EYS: variants seen among roughly 807,000 people sequenced by gnomAD.
EYS encodes the protein protein eyes shut homolog.
A neutral mutation model predicts 282.1 loss-of-function variants in EYS; 250 were observed. That is an observed-to-expected ratio of 0.89 (90% CI 0.80 to 0.98). The LOEUF (loss-of-function observed/expected upper bound fraction) is 0.98. EYS is among the 50% of genes least tolerant of loss of function. The probability of loss-of-function intolerance (pLI) is 0.00; values close to 1 mark genes in which losing one functional copy is unlikely to be tolerated. For synonymous variants in EYS, 1,355 were observed against 1,282.9 expected (o/e 1.06, Z -1.20); for missense variants, 4,016 against 3,709.0 (o/e 1.08, Z -2.15).
At chr6:64,894,291 A>G (rs1466547419) in intron 18 of EYS, among the ~76,000 whole-genome samples, 1 of 152,104 alleles carries the variant, frequency 6.6e-6, no homozygotes, top group Non-Finnish European at 1.5e-5. Context: ...GATGTTAATT[A>G]CAATAGATCT....
intron 2 of EYS, among the ~76,000 whole-genome samples, chr6:65,563,480 C>G (rs1336345085): frequency 6.6e-6 from 1 of 151,878 alleles, no homozygotes. Flanking sequence ...TTATAGAAAA[C>G]CATTCAATTT....
Position 64,040,629 on chromosome 6 carries a change from T to A in EYS, c.6725+25709A>T, listed in dbSNP as rs189723109. ...ATTAGTTTATAACCTAGACCCAAGA[T>A]TGAAAAACTAAGGACAAAGAGTCAA... On this transcript the variant is annotated intron_variant, in intron 33 of 42. Transcript: ENST00000503581. 1.2e-4 allele frequency among the ~76,000 whole-genome samples: 19 copies of A among 152,288 alleles called. No homozygotes were observed. The East Asian group carries it at 3.7e-3, about 29-fold the overall frequency.
chr6:63,899,998 C>T (rs968842508), intron 35 of EYS, among the ~76,000 whole-genome samples: 11 of 152,196 alleles, frequency 7.2e-5, no homozygotes, highest in Non-Finnish European at 1.6e-4. Flanking sequence ...AGGACACCTA[C>T]TCATTTACCT....
chr6:64,173,299 A>G (rs548438807), intron 31 of EYS, among the ~76,000 whole-genome samples: 45 of 152,316 alleles, frequency 3.0e-4, no homozygotes, highest in African/African-American at 1.1e-3. Context: ...AACTAAAGTT[A>G]TGAAAGCTAT....
intron 22 of EYS, among the ~76,000 whole-genome samples, chr6:64,734,135 A>G (rs532355482): frequency 4.5e-4 from 66 of 146,140 alleles, no homozygotes; most frequent in Admixed American, 1.0e-3. Flanking sequence ...AAAAAAAAAA[A>G]CAAGTAGAAA....
chr6:65,482,224 C>G (rs970836291), intron 5 of EYS, among the ~76,000 whole-genome samples: 5 of 152,154 alleles, frequency 3.3e-5, no homozygotes, highest in Non-Finnish European at 7.4e-5. Flanking sequence ...ATATAAACAC[C>G]TGCCTATTCA....
chr6:65,334,911 T>TA (rs1769925175), intron 11 of EYS, 69 bp downstream of exon 11: 1 of 1,432,930 alleles, frequency 7.0e-7, no homozygotes, highest in Non-Finnish European at 9.7e-7. Flanking sequence ...ATGAAACAGT[T>TA]CGATGACTAT....
intron 5 of EYS, among the ~76,000 whole-genome samples, chr6:65,453,213 G>A (rs999006932): frequency 9.9e-5 from 15 of 152,058 alleles, no homozygotes; most frequent in Non-Finnish European, 1.8e-4. Context: ...CTTCTATACT[G>A]TTTTCAAGCA....
chr6:64,687,647 T>A (rs1306428900), intron 22 of EYS, among the ~76,000 whole-genome samples: 1 of 152,222 alleles, frequency 6.6e-6, no homozygotes, highest in Admixed American at 6.5e-5. Flanking sequence ...GATTTTTGCA[T>A]CAATGTTCAT....
intron 22 of EYS, among the ~76,000 whole-genome samples, chr6:64,670,457 C>G (rs1019295814): frequency 6.8e-6 from 1 of 146,026 alleles, no homozygotes; most frequent in African/African-American, 2.6e-5. Context: ...GAAAAAAAAA[C>G]GTTAATAGCA....
chr6:65,452,754 T>C (rs1764452376), intron 5 of EYS, among the ~76,000 whole-genome samples: 1 of 151,974 alleles, frequency 6.6e-6, no homozygotes, highest in African/African-American at 2.4e-5. Context: ...AAGATATTGG[T>C]CTTCTTATAT....
At chr6:65,126,614 C>A (rs1464653210) in intron 12 of EYS, among the ~76,000 whole-genome samples, 1 of 151,942 alleles carries the variant, frequency 6.6e-6, no homozygotes, top group Non-Finnish European at 1.5e-5. Flanking sequence ...GGTGTAGGGC[C>A]CACAAAAACG....
chr6:65,403,992 C>A (rs1562155795), intron 6 of EYS, among the ~76,000 whole-genome samples: 1 of 151,968 alleles, frequency 6.6e-6, no homozygotes, highest in African/African-American at 2.4e-5. Context: ...GAAGCAACAA[C>A]AACAACAAAA....
intron 22 of EYS, among the ~76,000 whole-genome samples, chr6:64,661,402 T>C (rs1178360333): frequency 3.3e-5 from 5 of 152,146 alleles, no homozygotes; most frequent in Admixed American, 1.3e-4. Context: ...CTAATTAAAC[T>C]AAAAAGCTTC....
chr6:65,373,137 T>C (rs1765227141), intron 8 of EYS, among the ~76,000 whole-genome samples: 4 of 152,256 alleles, frequency 2.6e-5, no homozygotes, highest in Admixed American at 2.6e-4. Flanking sequence ...TGATTAAACT[T>C]GGTCTTAAGT....
At chr6:65,236,285 C>T (rs934892107) in intron 12 of EYS, among the ~76,000 whole-genome samples, 1 of 152,100 alleles carries the variant, frequency 6.6e-6, no homozygotes, top group African/African-American at 2.4e-5. Context: ...TACTCAATTA[C>T]ACCATAACCT....
chr6:63,778,415 AT>A (rs1274047602), intron 39 of EYS, among the ~76,000 whole-genome samples: 2 of 152,008 alleles, frequency 1.3e-5, no homozygotes, highest in Non-Finnish European at 2.9e-5. Context: ...TGTGTGTGGT[AT>A]TTTTTCTATG....
chr6:64,687,775 G>C (rs916526852), intron 22 of EYS, among the ~76,000 whole-genome samples: 1 of 152,150 alleles, frequency 6.6e-6, no homozygotes, highest in East Asian at 1.9e-4. Flanking sequence ...CTATTGATTG[G>C]AATAGTTTCA....
At chr6:64,703,087 T>C (rs1194787512) in intron 22 of EYS, among the ~76,000 whole-genome samples, 1 of 151,836 alleles carries the variant, frequency 6.6e-6, no homozygotes, top group Admixed American at 6.6e-5. Flanking sequence ...AGTAAACTCA[T>C]AAGCATTTCA....
Sources: allele counts gnomAD v4.1 joint callset (sites outside exome capture counted in the v4.1 genomes callset), GRCh38; gene constraint gnomAD v4.1.1; transcripts MANE v1.5; gene names NCBI Gene and HGNC (gene_info 2026-07-23, HGNC 2026-07-21).